FBRSL1: variants seen among roughly 807,000 people sequenced by gnomAD.
The protein encoded by FBRSL1 is fibrosin-1-like protein.
Under a neutral mutation model 89.6 loss-of-function variants are expected in FBRSL1, and 51 were observed. The observed-to-expected ratio is 0.57, with a 90% CI of 0.45 to 0.72. FBRSL1 has a LOEUF of 0.72. FBRSL1 is among the 30% of genes least tolerant of loss of function. The pLI, the probability that FBRSL1 is intolerant of heterozygous loss-of-function variation, is 0.00. For synonymous variants in FBRSL1, 779 were observed against 681.1 expected (o/e 1.14, Z -2.24); for missense variants, 1,618 against 1,451.8 (o/e 1.11, Z -1.86).
chr12:132,499,729 G>C lies in FBRSL1; in HGVS notation c.292-8424G>C, dbSNP rs147901023. On this transcript the variant is annotated intron_variant, in intron 1 of 18. Coordinates refer to ENST00000680143, the MANE Select transcript of FBRSL1 (RefSeq NM_001367871.1). This position sits in a 1 kb window ranked among gnomAD's most constrained non-coding sequence, Gnocchi z 4.3. ...CTGGGGGGCTGCAGGGCTGGGGGGT[G>C]GGGCGCTGCGCAGCACCTAAACTCC... Among the ~76,000 whole-genome samples the C allele has an allele frequency of 1.0e-3, 154 of 152,116 alleles. 1 individual carries two copies. The highest frequency in any genetic ancestry group is 3.3e-3 in the African/African-American group (138 of 41,498).
chr12:132,560,313 G>A (rs1428371654), intron 5 of FBRSL1: 1 of 152,018 alleles, frequency 6.6e-6, no homozygotes, highest in Non-Finnish European at 1.5e-5. Context: ...CCCCAGAAGA[G>A]CGGGACGCCC....
intron 5 of FBRSL1, among the ~76,000 whole-genome samples, chr12:132,562,197 T>A (rs1385838583): frequency 6.6e-6 from 1 of 152,106 alleles, no homozygotes; most frequent in Non-Finnish European, 1.5e-5. Flanking sequence ...GCCACACTTC[T>A]GGGGGATGAT....
At chr12:132,525,643 C>T (rs909150819) in intron 2 of FBRSL1, 91 bp from the exon 3 acceptor site, 51 of 1,056,852 alleles carry the variant, frequency 4.8e-5, no homozygotes, top group South Asian at 4.0e-4. Context: ...GCTGGGGTGC[C>T]GGGAGCAGGC....
At chr12:132,527,674 G>A (rs1323351022) in intron 3 of FBRSL1, among the ~76,000 whole-genome samples, 2 of 148,032 alleles carry the variant, frequency 1.4e-5, no homozygotes, top group East Asian at 4.0e-4. Flanking sequence ...TGGGCTGCGG[G>A]GCTGTGGGGC....
intron 4 of FBRSL1, among the ~76,000 whole-genome samples, chr12:132,543,982 C>G (rs527594308): frequency 6.6e-6 from 1 of 152,296 alleles, no homozygotes; most frequent in East Asian, 1.9e-4. Flanking sequence ...TCTGGAACCC[C>G]TGTCGGGTGC....
rs543344898 is a variant in FBRSL1 at position 132,556,470 on chromosome 12, C to T, written c.645+8438C>T. Reference sequence around the variant, plus strand: ...GCGTCTGAGTGTTCGTCCTGTGGGACGCTCCTCTCCAGGCCTTCGTGCTGC... The same window carrying T: ...GCGTCTGAGTGTTCGTCCTGTGGGATGCTCCTCTCCAGGCCTTCGTGCTGC... On this transcript the variant is annotated intron_variant, in intron 5 of 18. Coordinates refer to ENST00000680143, the MANE Select transcript of FBRSL1 (RefSeq NM_001367871.1). Among the ~76,000 whole-genome samples, 9 of 152,058 alleles carry T rather than the reference C, an allele frequency of 5.9e-5. No individual in the cohort carries two copies. In the South Asian group the frequency reaches 8.3e-4, roughly 14 times the overall value.
chr12:132,498,235 G>A (rs1255647272), intron 1 of FBRSL1, among the ~76,000 whole-genome samples: 1 of 152,160 alleles, frequency 6.6e-6, no homozygotes, highest in African/African-American at 2.4e-5. Flanking sequence ...CGCTCACAGT[G>A]AGGCCTGTGT....
chr12:132,502,360 C>T (rs371904676), intron 1 of FBRSL1, among the ~76,000 whole-genome samples: 6 of 152,252 alleles, frequency 3.9e-5, no homozygotes, highest in East Asian at 3.9e-4. Context: ...CCTCCACCCC[C>T]GGCCCTTATG....
intron 2 of FBRSL1, chr12:132,510,981 G>C (rs933776044): frequency 7.8e-5 from 77 of 988,302 alleles, no homozygotes; most frequent in Middle Eastern, 1.0e-3. Flanking sequence ...GTGTGAGAGT[G>C]AGTGGCGTGC....
chr12:132,568,609 C>T (rs988629829), intron 6 of FBRSL1, among the ~76,000 whole-genome samples: 1 of 152,258 alleles, frequency 6.6e-6, no homozygotes, highest in African/African-American at 2.4e-5. Context: ...AGGCCCCGCA[C>T]GTGGGGTCTA....
chr12:132,573,729 T>A (rs2040199234), intron 11 of FBRSL1, among the ~76,000 whole-genome samples: 1 of 151,990 alleles, frequency 6.6e-6, no homozygotes, highest in African/African-American at 2.4e-5. Flanking sequence ...GCGCCCCTGG[T>A]GGGAAACGAC....
rs1367791824 is a variant in FBRSL1 at position 132,571,560 on chromosome 12, G to A, written c.1377+329G>A. 33 of 1,306,674 alleles carry A rather than the reference G, an allele frequency of 2.5e-5. 1 individual carries two copies. The highest frequency in any genetic ancestry group is 1.2e-4 in the Admixed American group (3 of 25,152). 80.9% of individuals were successfully genotyped at this position (1,306,674 alleles called of 1,614,324 possible). A position where few individuals can be genotyped will look rare whatever the true frequency, so the allele number is the denominator to read the frequency against. On this transcript the variant is annotated intron_variant, in intron 9 of 18. Transcript: ENST00000680143. Reference sequence around the variant, plus strand: ...CCGCGTGCTGGCAGGGGGCGGGGGCGGGCGTGGGGCGGGGACACGCAGCAG... The same window carrying A: ...CCGCGTGCTGGCAGGGGGCGGGGGCAGGCGTGGGGCGGGGACACGCAGCAG...
intron 4 of FBRSL1, among the ~76,000 whole-genome samples, chr12:132,538,061 A>C (rs902837472): frequency 3.3e-5 from 5 of 152,186 alleles, no homozygotes; most frequent in African/African-American, 1.2e-4. Context: ...GGGCTCACCC[A>C]GATCCCTGGT....
chr12:132,535,745 A>G (rs753058289), intron 4 of FBRSL1, among the ~76,000 whole-genome samples: 3 of 152,250 alleles, frequency 2.0e-5, no homozygotes, highest in Non-Finnish European at 2.9e-5. Context: ...GGAGTCCTGC[A>G]TGTGTGCACG....
At position 132,582,208 on chromosome 12, in the gene FBRSL1, G is replaced by A; in HGVS notation, c.2143G>A (p.Val715Met). 6.5e-7 allele frequency: 1 copy of A among 1,550,206 alleles called. No individual in the cohort carries two copies. Among genetic ancestry groups the A allele is most frequent in the Non-Finnish European group, 8.7e-7 (1 of 1,146,878 alleles). ...GCCCAAGTCCGTGGACGCGGAGCGG[G>A]TGTCAGCCCTGACCAACCATGACCG... Reference protein sequence around the residue: ...PWPKSVDAERVSALTNHDREP... With the variant: ...PWPKSVDAERMSALTNHDREP... The change falls in exon 18 of 19, where the codon GTG (valine) becomes ATG (methionine). Residue 715 changes from valine to methionine, a missense_variant. Coordinates refer to ENST00000680143, the MANE Select transcript of FBRSL1 (RefSeq NM_001367871.1).
intron 4 of FBRSL1, among the ~76,000 whole-genome samples, chr12:132,534,103 G>A (rs1227154457): frequency 6.6e-6 from 1 of 152,174 alleles, no homozygotes; most frequent in Admixed American, 6.5e-5. Flanking sequence ...TGCTGAGAGG[G>A]GCAGGGTCCA....
intron 11 of FBRSL1, among the ~76,000 whole-genome samples, chr12:132,573,172 G>A (rs1414464543): frequency 6.6e-6 from 1 of 152,182 alleles, no homozygotes; most frequent in Non-Finnish European, 1.5e-5. Context: ...CTCTGCGGAG[G>A]GGCACACAGC....
chr12:132,547,277 G>A (rs540246249), intron 4 of FBRSL1, among the ~76,000 whole-genome samples: 4 of 150,814 alleles, frequency 2.7e-5, no homozygotes, highest in African/African-American at 7.4e-5. Flanking sequence ...TGTGTTCTTC[G>A]TAGGGCTCTG....
intron 1 of FBRSL1, among the ~76,000 whole-genome samples, chr12:132,496,608 A>G (rs1237975797): frequency 6.6e-6 from 1 of 152,172 alleles, no homozygotes; most frequent in East Asian, 1.9e-4. Flanking sequence ...GCGTCTGCAC[A>G]TGGCTGTGAC....
Sources: allele counts gnomAD v4.1 joint callset (sites outside exome capture counted in the v4.1 genomes callset), GRCh38; gene constraint gnomAD v4.1.1; non-coding constraint Gnocchi (gnomAD v3.1); transcripts MANE v1.5; gene names NCBI Gene and HGNC (gene_info 2026-07-23, HGNC 2026-07-21).